The following KHDRBS2 variants were observed in gnomAD, a reference collection of about 807,000 sequenced individuals.
KHDRBS2 encodes KH RNA binding domain containing, signal transduction associated 2.
KHDRBS2 carries 26 observed loss-of-function variants against 44.3 expected under a neutral mutation model. That is an observed-to-expected ratio of 0.59 (90% CI 0.43 to 0.81). The LOEUF is 0.81. Ranked by LOEUF, KHDRBS2 falls within the 40% of genes least tolerant of loss-of-function variation. The pLI, the probability that KHDRBS2 is intolerant of heterozygous loss-of-function variation, is 0.00. For missense variants in KHDRBS2, 476 were observed against 433.1 expected, an observed-to-expected ratio of 1.10 and a Z score of -0.88; for synonymous variants, 194 against 151.1, an observed-to-expected ratio of 1.28 and a Z score of -2.08.
At chr6:61,744,482 G>T (rs968763766) in intron 6 of KHDRBS2, among the ~76,000 whole-genome samples, 4 of 152,108 alleles carry the variant, frequency 2.6e-5, no homozygotes, top group African/African-American at 9.7e-5. Flanking sequence ...TTAGGGCCTT[G>T]TATTCTTGGC....
the KHDRBS2 span, among the ~76,000 whole-genome samples, chr6:61,648,183 C>T: frequency 1.3e-5 from 2 of 151,790 alleles, no homozygotes; most frequent in African/African-American, 4.8e-5. Context: ...TTAAACTAGC[C>T]CTCAATTATG....
At chr6:62,280,991 A>G (rs573992517) in intron 1 of KHDRBS2, among the ~76,000 whole-genome samples, 73 of 152,304 alleles carry the variant, frequency 4.8e-4, no homozygotes, top group African/African-American at 1.7e-3. Context: ...TCCTCCAATA[A>G]AACAGATGAT....
chr6:62,077,317 G>T (rs1796540082), intron 2 of KHDRBS2, among the ~76,000 whole-genome samples: 1 of 151,986 alleles, frequency 6.6e-6, no homozygotes, highest in South Asian at 2.1e-4. Flanking sequence ...GAAATTGCCT[G>T]CCAGGCCTTA....
the KHDRBS2 span, among the ~76,000 whole-genome samples, chr6:61,567,598 G>T: frequency 6.6e-6 from 1 of 152,276 alleles, no homozygotes; most frequent in Middle Eastern, 3.4e-3. Flanking sequence ...AGGTGTTCGT[G>T]CCACTGCACA....
chr6:61,825,724 A>T (rs1790750298), intron 6 of KHDRBS2, among the ~76,000 whole-genome samples: 1 of 152,066 alleles, frequency 6.6e-6, no homozygotes, highest in African/African-American at 2.4e-5. Flanking sequence ...CAGCCCAAGA[A>T]TCTGGGTTCA....
At chr6:62,236,757 T>A (rs1267841333) in intron 1 of KHDRBS2, among the ~76,000 whole-genome samples, 4 of 152,114 alleles carry the variant, frequency 2.6e-5, no homozygotes, top group Non-Finnish European at 5.9e-5. Context: ...GAGTATCCAA[T>A]AAATTGTTAG....
At chr6:62,229,915 C>T (rs1328455334) in intron 1 of KHDRBS2, among the ~76,000 whole-genome samples, 3 of 152,308 alleles carry the variant, frequency 2.0e-5, no homozygotes, top group African/African-American at 4.8e-5. Context: ...TGGGAGCCTC[C>T]AATCTCTGCT....
chr6:61,943,085 GGAAA>G (rs976641013), intron 4 of KHDRBS2, among the ~76,000 whole-genome samples: 46 of 134,192 alleles, frequency 3.4e-4, no homozygotes, highest in Non-Finnish European at 6.0e-4. Flanking sequence ...AAAGAAAAAA[GGAAA>G]GAAAGAAAGG....
At chr6:62,133,739 T>C (rs1460775011) in intron 2 of KHDRBS2, among the ~76,000 whole-genome samples, 1 of 152,162 alleles carries the variant, frequency 6.6e-6, no homozygotes, top group Non-Finnish European at 1.5e-5. Flanking sequence ...GATAATGAAA[T>C]GCAGACTGAG....
the KHDRBS2 span, among the ~76,000 whole-genome samples, chr6:61,612,781 C>T: frequency 6.6e-6 from 1 of 150,634 alleles, no homozygotes; most frequent in East Asian, 1.9e-4. Context: ...ATTACAGCTG[C>T]ACACCACCAC....
intron 2 of KHDRBS2, among the ~76,000 whole-genome samples, chr6:62,052,572 A>C (rs879858255): frequency 3.5e-4 from 40 of 115,728 alleles, no homozygotes; most frequent in Non-Finnish European, 5.7e-4. Flanking sequence ...ACCAGGGACC[A>C]GTTGCGTGGA....
intron 6 of KHDRBS2, among the ~76,000 whole-genome samples, chr6:61,739,263 T>C (rs1438842153): frequency 6.6e-6 from 1 of 151,876 alleles, no homozygotes; most frequent in Admixed American, 6.6e-5. Context: ...AGCAATGATG[T>C]CAATGTTATT....
chr6:62,102,449 G>T (rs1802122390), intron 2 of KHDRBS2, among the ~76,000 whole-genome samples: 1 of 152,140 alleles, frequency 6.6e-6, no homozygotes, highest in African/African-American at 2.4e-5. Flanking sequence ...CCCCAAAGAG[G>T]GTGTTACAGC....
At chr6:61,857,327 T>C (rs1289035447) in intron 6 of KHDRBS2, among the ~76,000 whole-genome samples, 2 of 152,082 alleles carry the variant, frequency 1.3e-5, no homozygotes, top group Non-Finnish European at 2.9e-5. Flanking sequence ...CTCTTAAATT[T>C]CCATGACTTT....
intron 1 of KHDRBS2, among the ~76,000 whole-genome samples, chr6:62,268,188 T>C (rs1333091229): frequency 6.6e-6 from 1 of 152,084 alleles, no homozygotes; most frequent in East Asian, 1.9e-4. Flanking sequence ...CAGGTTCATT[T>C]GCTTTTGGGG....
chr6:61,887,091 C>A (rs1009093811), intron 6 of KHDRBS2, among the ~76,000 whole-genome samples: 3 of 129,588 alleles, frequency 2.3e-5, no homozygotes, highest in African/African-American at 6.4e-5. Flanking sequence ...CGAGAGGAAA[C>A]ACAATGTATC....
intron 6 of KHDRBS2, among the ~76,000 whole-genome samples, chr6:61,757,919 A>G (rs1006879256): frequency 2.0e-5 from 3 of 152,130 alleles, no homozygotes; most frequent in African/African-American, 7.2e-5. Context: ...TGCTGGACAC[A>G]ATTACCTCTG....
chr6:61,761,486 T>G (rs1024295088), intron 6 of KHDRBS2, among the ~76,000 whole-genome samples: 22 of 152,184 alleles, frequency 1.4e-4, no homozygotes, highest in African/African-American at 5.1e-4. Context: ...ACACACCAAC[T>G]AATATGTTCC....
intron 3 of KHDRBS2, among the ~76,000 whole-genome samples, chr6:62,020,423 T>C (rs1480838976): frequency 6.6e-6 from 1 of 152,014 alleles, no homozygotes; most frequent in African/African-American, 2.4e-5. Flanking sequence ...TCTGCTATTG[T>C]TTGGAGTGTG....
Sources: gnomAD v4.1 joint callset for allele counts (sites outside exome capture counted in the v4.1 genomes callset) on GRCh38, gnomAD v4.1.1 for gene constraint, MANE v1.5 for transcripts, NCBI Gene and HGNC (gene_info 2026-07-23, HGNC 2026-07-21) for gene names.